The following TMX3 variants were observed in gnomAD, a reference collection of about 807,000 sequenced individuals.
TMX3 encodes the protein thioredoxin related transmembrane protein 3.
Under a neutral mutation model 64.4 loss-of-function variants are expected in TMX3, and 40 were observed. The ratio of observed to expected loss-of-function variants is 0.62; its 90% confidence interval spans 0.48 to 0.81. TMX3 has a LOEUF of 0.81. TMX3 is among the 30% of genes least tolerant of loss of function. The probability of loss-of-function intolerance (pLI) is 0.00; values close to 1 mark genes in which losing one functional copy is unlikely to be tolerated. For synonymous variants in TMX3, 189 were observed against 175.7 expected (o/e 1.08, Z -0.60); for missense variants, 497 against 534.5 (o/e 0.93, Z 0.69).
chr18:68,686,426 A>T (rs201320701), intron 10 of TMX3, among the ~76,000 whole-genome samples: 1 of 152,184 alleles, frequency 6.6e-6, no homozygotes, highest in African/African-American at 2.4e-5. Flanking sequence ...AAAGAATCAA[A>T]AAGTCTGGGC....
intron 4 of TMX3, among the ~76,000 whole-genome samples, chr18:68,703,655 G>C (rs1368421639): frequency 1.3e-5 from 2 of 152,170 alleles, no homozygotes; most frequent in Admixed American, 6.5e-5. Flanking sequence ...TCCTCTAAAA[G>C]GGAATGACAG....
rs1009234751 is a variant in TMX3 at position 68,675,701 on chromosome 18, A to T, written c.*1232T>A. 2 of 152,198 alleles carry T rather than the reference A, an allele frequency of 1.3e-5. No individual in the cohort carries two copies. The highest frequency in any genetic ancestry group is 4.8e-5 in the African/African-American group (2 of 41,458). The allele number at this position is 152,198 out of a possible 1,614,324, so 9.4% of individuals were successfully genotyped here. A position where few individuals can be genotyped will look rare whatever the true frequency, so the allele number is the denominator to read the frequency against. On this transcript the variant is annotated 3_prime_UTR_variant, in exon 16 of 16. Coordinates refer to ENST00000299608, the MANE Select transcript of TMX3 (RefSeq NM_019022.5). ...AACTTAGCTAAAATGAAGGCCTCAAAAATAATTTATCTACAATAAACATAC... is the reference window on the plus strand; with the variant it reads ...AACTTAGCTAAAATGAAGGCCTCAATAATAATTTATCTACAATAAACATAC...
intron 4 of TMX3, among the ~76,000 whole-genome samples, chr18:68,705,163 G>A (rs2030538250): frequency 6.6e-6 from 1 of 152,028 alleles, no homozygotes; most frequent in African/African-American, 2.4e-5. Context: ...GTATCTAGTG[G>A]GCAGAGGTGA....
intron 8 of TMX3, among the ~76,000 whole-genome samples, chr18:68,693,729 A>C (rs1914770134): frequency 6.6e-6 from 1 of 152,008 alleles, no homozygotes; most frequent in African/African-American, 2.4e-5. Flanking sequence ...ACAGGTTCCT[A>C]GGCAGGAAGG....
chr18:68,674,869 A>G lies in TMX3; in HGVS notation c.*2064T>C, dbSNP rs1912799832. On this transcript the variant is annotated 3_prime_UTR_variant, in exon 16 of 16. Transcript: ENST00000299608. ...AAGGCAAACAGTACAAAGCTGTGAA[A>G]AGGGTAGCAGAGAACTGAGGCATTC... 6.6e-6 allele frequency: 1 copy of G among 152,158 alleles called. No individual in the cohort carries two copies. Among genetic ancestry groups the G allele is most frequent in the Non-Finnish European group, 1.5e-5 (1 of 68,008 alleles). The allele number at this position is 152,158 out of a possible 1,614,324, so 9.4% of individuals were successfully genotyped here.
At chr18:68,710,429 A>G in intron 3 of TMX3, among the ~76,000 whole-genome samples, 1 of 152,204 alleles carries the variant, frequency 6.6e-6, no homozygotes. Flanking sequence ...CTTTACTTCC[A>G]AGGAAATGTT....
At chr18:68,701,835 T>C (rs571413746) in intron 4 of TMX3, 45 bp from the exon 5 acceptor site, 2 of 1,515,712 alleles carry the variant, frequency 1.3e-6, no homozygotes, top group Admixed American at 1.8e-5. Flanking sequence ...TTTTTAAATA[T>C]GAGAAACTAG....
chr18:68,684,136 T>C, intron 12 of TMX3, 54 bp downstream of exon 12: 1 of 1,344,764 alleles, frequency 7.4e-7, no homozygotes. Context: ...TTTACTAAAT[T>C]ACAAAATGGT....
In TMX3 at chr18:68,676,084, G is replaced by C. The variant is rs1480196185; in HGVS notation, c.*849C>G. The C allele has an allele frequency of 6.6e-6, 1 of 152,048 alleles. No individual in the cohort carries two copies. The highest frequency in any genetic ancestry group is 2.4e-5 in the African/African-American group (1 of 41,430). The allele number at this position is 152,048 out of a possible 1,614,324, so 9.4% of individuals were successfully genotyped here. On this transcript the variant is annotated 3_prime_UTR_variant, in exon 16 of 16. Coordinates refer to ENST00000299608, the MANE Select transcript of TMX3 (RefSeq NM_019022.5). The stretch of plus-strand genomic sequence containing the variant: ...GATACATACCACTTTTCAAAAAGCA[G>C]AAGATTTTTATCAAAGGAAATGTTA...
chr18:68,686,978 TA>T (rs896011062), intron 10 of TMX3: 287 of 943,808 alleles, frequency 3.0e-4, no homozygotes, highest in South Asian at 4.4e-4. Context: ...TTACTTACAT[TA>T]AAAAAAAATA....
intron 6 of TMX3, among the ~76,000 whole-genome samples, chr18:68,700,129 T>C (rs986069478): frequency 6.6e-6 from 1 of 152,082 alleles, no homozygotes; most frequent in Non-Finnish European, 1.5e-5. Flanking sequence ...AATCGAAATC[T>C]GGAAAATGTA....
At chr18:68,701,853 A>G in intron 4 of TMX3, 63 bp from the exon 5 acceptor site, 2 of 1,358,484 alleles carry the variant, frequency 1.5e-6, no homozygotes, top group South Asian at 2.4e-5. Flanking sequence ...TAGGTAACAA[A>G]TGAGGCTTTT....
intron 8 of TMX3, among the ~76,000 whole-genome samples, 197 bp from the exon 9 acceptor site, chr18:68,691,558 T>C (rs552258013): frequency 3.9e-5 from 6 of 152,348 alleles, no homozygotes; most frequent in Non-Finnish European, 8.8e-5. Flanking sequence ...ATATATCCCC[T>C]TGTACAATGT....
At chr18:68,709,530 A>C (rs1372785986) in intron 4 of TMX3, among the ~76,000 whole-genome samples, 1 of 152,074 alleles carries the variant, frequency 6.6e-6, no homozygotes, top group Non-Finnish European at 1.5e-5. Context: ...GCTCACCTTC[A>C]CTTCATTCTA....
At chr18:68,699,246 A>ATTCTTC (rs1397707892) in intron 6 of TMX3, among the ~76,000 whole-genome samples, 2 of 152,134 alleles carry the variant, frequency 1.3e-5, no homozygotes, top group Non-Finnish European at 2.9e-5. Context: ...TGACTCCTGA[A>ATTCTTC]ATTTCATCTA....
At chr18:68,708,195 A>G (rs2030920772) in intron 4 of TMX3, among the ~76,000 whole-genome samples, 2 of 152,020 alleles carry the variant, frequency 1.3e-5, no homozygotes, top group African/African-American at 4.8e-5. Context: ...TATCAACTCA[A>G]ACATATTATT....
intron 14 of TMX3, 71 bp from the exon 15 acceptor site, chr18:68,679,602 T>TA: frequency 2.2e-6 from 3 of 1,358,696 alleles, no homozygotes; most frequent in Non-Finnish European, 3.1e-6. Flanking sequence ...TACATAACCT[T>TA]ACAATTGCAG....
At chr18:68,681,572 G>A (rs1470546313) in intron 13 of TMX3, 2 of 985,186 alleles carry the variant, frequency 2.0e-6, no homozygotes, top group East Asian at 2.3e-4. Flanking sequence ...AATAAATGAA[G>A]TAAGGTGATG....
At chr18:68,690,104 T>C (rs895364090) in intron 9 of TMX3, 3 of 152,218 alleles carry the variant, frequency 2.0e-5, no homozygotes, top group African/African-American at 7.2e-5. Flanking sequence ...TGTTCCTTTT[T>C]ATTGAAAAGT....
Sources: allele counts gnomAD v4.1 joint callset (sites outside exome capture counted in the v4.1 genomes callset), GRCh38; gene constraint gnomAD v4.1.1; transcripts MANE v1.5; gene names NCBI Gene and HGNC (gene_info 2026-07-23, HGNC 2026-07-21).